POU2AF2: variants seen among roughly 807,000 people sequenced by gnomAD.
The protein encoded by POU2AF2 is POU domain class 2-associating factor 2.
chr11:111,255,872 T>G, the POU2AF2 span: 1 of 396,782 alleles, frequency 2.5e-6, no homozygotes, highest in Non-Finnish European at 4.4e-6. Context: ...AGGAATTCTA[T>G]CATTCTATCA....
the POU2AF2 span, among the ~76,000 whole-genome samples, chr11:111,264,524 GAA>G: frequency 1.3e-4 from 8 of 62,028 alleles, no homozygotes; most frequent in African/African-American, 5.1e-4. Context: ...AAGAAAGAAA[GAA>G]AGAAAGAAAG....
the POU2AF2 span, chr11:111,285,769 G>A: frequency 6.2e-7 from 1 of 1,612,938 alleles, no homozygotes; most frequent in African/African-American, 1.3e-5. Flanking sequence ...TTGAGTCCGG[G>A]AGCATCGCCC....
At chr11:111,259,987 T>A in the POU2AF2 span, among the ~76,000 whole-genome samples, 4 of 152,254 alleles carry the variant, frequency 2.6e-5, no homozygotes, top group African/African-American at 9.6e-5. Context: ...TGTTTCATCC[T>A]CTTAACCACT....
At chr11:111,280,663 A>G in the POU2AF2 span, among the ~76,000 whole-genome samples, 2 of 152,132 alleles carry the variant, frequency 1.3e-5, no homozygotes, top group Non-Finnish European at 2.9e-5. Context: ...AGTCACCCTT[A>G]TTGTATTTCA....
At chr11:111,247,187 CACACAG>C in the POU2AF2 span, among the ~76,000 whole-genome samples, 1 of 45,072 alleles carries the variant, frequency 2.2e-5, no homozygotes, top group African/African-American at 6.4e-5. Context: ...CACATACACA[CACACAG>C]AGAGAGAGAG....
At chr11:111,261,260 TACACACACACACACAC>T in the POU2AF2 span, among the ~76,000 whole-genome samples, 3 of 141,024 alleles carry the variant, frequency 2.1e-5, no homozygotes, top group South Asian at 7.9e-4. Flanking sequence ...TAGTACCAAA[TACACACACACACACAC>T]ACACACACAC....
At chr11:111,260,402 G>A in the POU2AF2 span, among the ~76,000 whole-genome samples, 1 of 152,110 alleles carries the variant, frequency 6.6e-6, no homozygotes, top group African/African-American at 2.4e-5. Flanking sequence ...TGCTTTATAC[G>A]GCAGAATTTG....
the POU2AF2 span, chr11:111,281,476 T>C: frequency 1.2e-6 from 2 of 1,608,110 alleles, no homozygotes; most frequent in Non-Finnish European, 1.7e-6. Flanking sequence ...TTATTCCCTT[T>C]TGAATTTAAA....
chr11:111,264,533 AAAG>A, the POU2AF2 span, among the ~76,000 whole-genome samples: 1 of 67,956 alleles, frequency 1.5e-5, no homozygotes, highest in Non-Finnish European at 3.0e-5. Context: ...AGAAAGAAAG[AAAG>A]AAAGAAAGAA....
the POU2AF2 span, among the ~76,000 whole-genome samples, chr11:111,264,523 A>AGAAG: frequency 1.5e-5 from 1 of 68,860 alleles, no homozygotes. Context: ...AAAGAAAGAA[A>AGAAG]GAAAGAAAGA....
chr11:111,286,349 T>C, the POU2AF2 span: 2 of 288,438 alleles, frequency 6.9e-6, no homozygotes, highest in East Asian at 8.1e-5. Context: ...CTTTGAAGTA[T>C]CATTTTTGGC....
chr11:111,248,111 C>T, the POU2AF2 span, among the ~76,000 whole-genome samples: 1 of 152,016 alleles, frequency 6.6e-6, no homozygotes, highest in Non-Finnish European at 1.5e-5. Context: ...TGGTCTCGAT[C>T]TCCTGACCTT....
At chr11:111,286,116 T>C in the POU2AF2 span, 15 of 1,571,360 alleles carry the variant, frequency 9.5e-6, no homozygotes, top group East Asian at 2.3e-5. Context: ...AAGATTGTTT[T>C]AGGTGTGTCA....
chr11:111,285,703 T>C, the POU2AF2 span: 1 of 1,613,622 alleles, frequency 6.2e-7, no homozygotes, highest in African/African-American at 1.3e-5. Flanking sequence ...AGCCTGACCC[T>C]GTGTCTGCCG....
chr11:111,282,519 A>G, the POU2AF2 span, among the ~76,000 whole-genome samples: 1 of 152,260 alleles, frequency 6.6e-6, no homozygotes, highest in Non-Finnish European at 1.5e-5. Context: ...ATAAATTCAC[A>G]TGCCATTCTT....
chr11:111,257,377 T>TG, the POU2AF2 span, among the ~76,000 whole-genome samples: 2 of 149,704 alleles, frequency 1.3e-5, no homozygotes, highest in Non-Finnish European at 3.0e-5. Context: ...TTTTTTTTTT[T>TG]GAGATGGAGT....
chr11:111,259,978 G>A, the POU2AF2 span, among the ~76,000 whole-genome samples: 1 of 152,174 alleles, frequency 6.6e-6, no homozygotes, highest in African/African-American at 2.4e-5. Flanking sequence ...ACCTACTGAT[G>A]TTTCATCCTC....
At chr11:111,279,554 G>C in the POU2AF2 span, among the ~76,000 whole-genome samples, 6 of 152,176 alleles carry the variant, frequency 3.9e-5, no homozygotes, top group African/African-American at 1.2e-4. Flanking sequence ...CACTCAAACT[G>C]CTGCCTTTGT....
the POU2AF2 span, among the ~76,000 whole-genome samples, chr11:111,267,366 C>T: frequency 6.6e-6 from 1 of 152,248 alleles, no homozygotes; most frequent in African/African-American, 2.4e-5. Flanking sequence ...GAGAGGAAAT[C>T]GCTTCCTGAA....
Sources: allele counts gnomAD v4.1 joint callset (sites outside exome capture counted in the v4.1 genomes callset), GRCh38; gene constraint gnomAD v4.1.1; transcripts MANE v1.5; gene names NCBI Gene and HGNC (gene_info 2026-07-23, HGNC 2026-07-21).